PCDHGA8: variants seen among roughly 807,000 people sequenced by gnomAD.
PCDHGA8 encodes the protein protocadherin gamma-A8.
PCDHGA8 carries 45 observed loss-of-function variants against 59.2 expected under a neutral mutation model. The ratio of observed to expected loss-of-function variants is 0.76; its 90% CI spans 0.60 to 0.98. PCDHGA8 has a LOEUF of 0.98. Among genes scored for constraint, PCDHGA8 ranks in the 50% least tolerant of loss-of-function variants. The pLI is 0.00. For synonymous variants in PCDHGA8, 531 were observed against 519.0 expected (o/e 1.02, Z -0.32); for missense variants, 1,257 against 1,196.2 (o/e 1.05, Z -0.75).
chr5:141,433,408 A>T lies in PCDHGA8; in HGVS notation c.2424+38171A>T, dbSNP rs1052180455. On this transcript the variant is annotated intron_variant, in intron 1 of 3. Coordinates refer to ENST00000398604, the MANE Select transcript of PCDHGA8 (RefSeq NM_032088.2). Reference sequence around the variant, plus strand: ...CTATCTATCTATCTATCTATCTATTACTTTCTTGTACAGACAGGAGTCTCA... The same window carrying T: ...CTATCTATCTATCTATCTATCTATTTCTTTCTTGTACAGACAGGAGTCTCA... 4.2e-3 allele frequency among the ~76,000 whole-genome samples: 537 copies of T among 127,344 alleles called. 4 individuals carry two copies. The highest frequency in any genetic ancestry group is 0.015 in the African/African-American group (523 of 34,010). 83.5% of individuals were successfully genotyped at this position (127,344 alleles called of 152,430 possible). A position where few individuals can be genotyped will look rare whatever the true frequency, so the allele number is the denominator to read the frequency against.
chr5:141,414,227 T>C (rs771676386), intron 1 of PCDHGA8: 2 of 1,613,430 alleles, frequency 1.2e-6, no homozygotes, highest in Non-Finnish European at 1.7e-6. Flanking sequence ...AGTCCAGAGC[T>C]GACCATCACG....
At chr5:141,437,862 C>T (rs535370570) in intron 1 of PCDHGA8, among the ~76,000 whole-genome samples, 5 of 152,002 alleles carry the variant, frequency 3.3e-5, no homozygotes, top group African/African-American at 9.6e-5. Context: ...CTTAGCCTCC[C>T]GAGTAGCTGG....
intron 3 of PCDHGA8, among the ~76,000 whole-genome samples, chr5:141,509,622 T>C (rs2099877603): frequency 6.6e-6 from 1 of 152,186 alleles, no homozygotes; most frequent in Non-Finnish European, 1.5e-5. Flanking sequence ...AACAAGTTCC[T>C]GGGTGATGCT....
rs774079222 is a variant in PCDHGA8, at chr5:141,491,314, C to G, written c.2425-3493C>G. On this transcript the variant is annotated intron_variant, in intron 1 of 3. Transcript: ENST00000398604. The surrounding 1 kb of genome is among the most constrained non-coding windows in gnomAD (Gnocchi z 6.9). ...CCCTCCTGAGCGTTCAGACCTTACC[C>G]TTTACCTCATTGTGGCTCTAGCGAC... is the stretch of plus-strand genomic sequence containing the variant. 6 of 1,614,064 alleles carry G rather than the reference C, an allele frequency of 3.7e-6. No individual in the cohort carries two copies. In the South Asian group the frequency reaches 5.5e-5, roughly 15 times the overall value.
Position 141,403,062 on chromosome 5 carries a change from A to G in PCDHGA8, c.2424+7825A>G, listed in dbSNP as rs780758422. On this transcript the variant is annotated intron_variant, in intron 1 of 3. Transcript: ENST00000398604. ...AGTCAGATTCGCTACTCAGTGCCTG[A>G]AGAGACAGAAAAGGGCTATATTGTG... is the stretch of plus-strand genomic sequence containing the variant. The G allele has an allele frequency of 7.4e-6, 12 of 1,613,964 alleles. 1 individual carries two copies. The South Asian group carries it at 1.1e-4, about 15-fold the overall frequency.
chr5:141,431,016 C>T lies in PCDHGA8; in HGVS notation c.2424+35779C>T, dbSNP rs755015257. Reference sequence around the variant, plus strand: ...AATCCGCGCAGCGGCAGCTTGGTCACGGCGGGCAGGATAGACCGGGAGGAG... The same window carrying T: ...AATCCGCGCAGCGGCAGCTTGGTCATGGCGGGCAGGATAGACCGGGAGGAG... On this transcript the variant is annotated intron_variant, in intron 1 of 3. Transcript: ENST00000398604. This position sits in a 1 kb window ranked among gnomAD's most constrained non-coding sequence, Gnocchi z 4.8. 3 of 1,613,456 alleles carry T rather than the reference C, an allele frequency of 1.9e-6. No individual in the cohort carries two copies. The highest frequency in any genetic ancestry group is 2.2e-5 in the South Asian group (2 of 91,058).
intron 1 of PCDHGA8, among the ~76,000 whole-genome samples, chr5:141,425,605 A>G (rs1229246680): frequency 6.6e-6 from 1 of 152,230 alleles, no homozygotes; most frequent in Non-Finnish European, 1.5e-5. Context: ...TGCCCTATAT[A>G]GCTTTCAGTG....
intron 1 of PCDHGA8, chr5:141,399,197 T>G: frequency 6.2e-7 from 1 of 1,613,926 alleles, no homozygotes; most frequent in Non-Finnish European, 8.5e-7. Context: ...GAAAACGCGG[T>G]GCCTGGAACA....
chr5:141,485,116 G>T lies in PCDHGA8; in HGVS notation c.2425-9691G>T, dbSNP rs904145668. ...TGTCTCCAGCTGCTGTGGCTGTTTGGGGCGGGTCGGCTTCATCCGCGTCTC... is the reference window on the plus strand; with the variant it reads ...TGTCTCCAGCTGCTGTGGCTGTTTGTGGCGGGTCGGCTTCATCCGCGTCTC... On this transcript the variant is annotated intron_variant, in intron 1 of 3. Coordinates refer to ENST00000398604, the MANE Select transcript of PCDHGA8 (RefSeq NM_032088.2). This position sits in a 1 kb window ranked among gnomAD's most constrained non-coding sequence, Gnocchi z 5.7. 3.0e-6 allele frequency: 4 copies of T among 1,312,058 alleles called. No homozygotes were observed. The African/African-American group carries it at 5.8e-5, about 19-fold the overall frequency. 81.3% of individuals were successfully genotyped at this position (1,312,058 alleles called of 1,614,324 possible).
intron 1 of PCDHGA8, chr5:141,403,362 G>C: frequency 6.2e-7 from 1 of 1,614,062 alleles, no homozygotes; most frequent in Non-Finnish European, 8.5e-7. Flanking sequence ...CAGGCCGAAA[G>C]TCTGGAAGTA....
At position 141,486,108 on chromosome 5, in the gene PCDHGA8, G is replaced by A. The variant is rs1184123075; in HGVS notation, c.2425-8699G>A. ...CTTTTGGGGCCCCTAGACTTTGAGA[G>A]TGAGAATTACTATGAATTTGATGTG... On this transcript the variant is annotated intron_variant, in intron 1 of 3. Coordinates refer to ENST00000398604, the MANE Select transcript of PCDHGA8 (RefSeq NM_032088.2). The surrounding 1 kb of genome is among the most constrained non-coding windows in gnomAD (Gnocchi z 5.0). 6 of 1,614,206 alleles carry A rather than the reference G, an allele frequency of 3.7e-6. No individual in the cohort carries two copies. Among genetic ancestry groups the A allele is most frequent in the South Asian group, 3.3e-5 (3 of 91,084 alleles).
chr5:141,409,292 A>G, intron 1 of PCDHGA8: 1 of 1,614,012 alleles, frequency 6.2e-7, no homozygotes, highest in Admixed American at 1.7e-5. Flanking sequence ...ACCTCCAGGA[A>G]TGGTTGTTGC....
At chr5:141,478,963 A>G (rs193236728) in intron 1 of PCDHGA8, among the ~76,000 whole-genome samples, 5 of 152,322 alleles carry the variant, frequency 3.3e-5, no homozygotes, top group East Asian at 1.9e-4. Context: ...TCATTCCTCC[A>G]CCTTTCAAGT....
In PCDHGA8 at chr5:141,490,861, T is replaced by C. The variant is rs1465042036; in HGVS notation, c.2425-3946T>C. The C allele has an allele frequency of 1.2e-6, 2 of 1,613,816 alleles. No individual in the cohort carries two copies. Among genetic ancestry groups the C allele is most frequent in the Non-Finnish European group, 1.7e-6 (2 of 1,179,920 alleles). On this transcript the variant is annotated intron_variant, in intron 1 of 3. Coordinates refer to ENST00000398604, the MANE Select transcript of PCDHGA8 (RefSeq NM_032088.2). The surrounding 1 kb of genome is among the most constrained non-coding windows in gnomAD (Gnocchi z 5.4). Reference sequence around the variant, plus strand: ...TGTGGTGGGGGTTCGAGACTCCGGCTCTCCCCCATTGCATGCCAACACATC... The same window carrying C: ...TGTGGTGGGGGTTCGAGACTCCGGCCCTCCCCCATTGCATGCCAACACATC...
chr5:141,489,636 C>T lies in PCDHGA8; in HGVS notation c.2425-5171C>T. On this transcript the variant is annotated intron_variant, in intron 1 of 3. Coordinates refer to ENST00000398604, the MANE Select transcript of PCDHGA8 (RefSeq NM_032088.2). The surrounding 1 kb of genome is among the most constrained non-coding windows in gnomAD (Gnocchi z 4.5). ...TGGATCTCAATGACAACTCTCCTAG[C>T]TTTGCCACCCCTGAGCGAGAGATGC... 1.2e-6 allele frequency: 2 copies of T among 1,614,190 alleles called. No homozygotes were observed. The highest frequency in any genetic ancestry group is 1.7e-6 in the Non-Finnish European group (2 of 1,180,030).
intron 1 of PCDHGA8, chr5:141,419,506 C>T (rs527369615): frequency 6.2e-7 from 1 of 1,612,352 alleles, no homozygotes; most frequent in Non-Finnish European, 8.5e-7. Context: ...TGAGCCTGCG[C>T]GTGTTGGTGG....
Position 141,485,263 on chromosome 5 carries a change from G to A in PCDHGA8, c.2425-9544G>A. 1 of 1,614,162 alleles carries A rather than the reference G, an allele frequency of 6.2e-7. No individual in the cohort carries two copies. On this transcript the variant is annotated intron_variant, in intron 1 of 3. Transcript: ENST00000398604. This position sits in a 1 kb window ranked among gnomAD's most constrained non-coding sequence, Gnocchi z 5.7. ...ACCACCTGGGTTACGTTTGTGGGCA[G>A]ATCCGCTACCCGGTCCCAGAGGAGT...
At chr5:141,445,420 T>C (rs968387442) in intron 1 of PCDHGA8, among the ~76,000 whole-genome samples, 3 of 152,204 alleles carry the variant, frequency 2.0e-5, no homozygotes, top group Admixed American at 6.5e-5. Context: ...GTCTGCTATA[T>C]GCAAGGCACT....
rs759737266 is a variant in PCDHGA8 at position 141,489,464 on chromosome 5, T to A, written c.2425-5343T>A. 5 of 1,614,030 alleles carry A rather than the reference T, an allele frequency of 3.1e-6. No homozygotes were observed. In the South Asian group the frequency reaches 3.3e-5, roughly 11 times the overall value. On this transcript the variant is annotated intron_variant, in intron 1 of 3. Transcript: ENST00000398604. The surrounding 1 kb of genome is among the most constrained non-coding windows in gnomAD (Gnocchi z 4.5). ...GGCTCTGAGGAGAATGGGCGCTATT[T>A]TTCCCTGAGCTTGATGAGTGGTGCC...
Sources: gnomAD v4.1 joint callset for allele counts (sites outside exome capture counted in the v4.1 genomes callset) on GRCh38, gnomAD v4.1.1 for gene constraint, Gnocchi (gnomAD v3.1) non-coding constraint, MANE v1.5 for transcripts, NCBI Gene and HGNC (gene_info 2026-07-23, HGNC 2026-07-21) for gene names.